The following TRABD2B variants were observed in gnomAD, a reference collection of about 807,000 sequenced individuals.
The protein encoded by TRABD2B is TraB domain containing 2B, also known as metalloprotease TIKI2.
Under a neutral mutation model 40.1 loss-of-function variants are expected in TRABD2B, and 14 were observed. The observed-to-expected ratio is 0.35, with a 90% CI of 0.23 to 0.55. The LOEUF (loss-of-function observed/expected upper bound fraction) is 0.55, where lower values mean the gene tolerates loss of function less well. Ranked by LOEUF, TRABD2B falls within the 20% of genes least tolerant of loss-of-function variation. The pLI, the probability that TRABD2B is intolerant of heterozygous loss-of-function variation, is 0.90. For missense variants in TRABD2B, 541 were observed against 648.6 expected (o/e 0.83, Z 1.80); for synonymous variants, 263 against 277.0 (o/e 0.95, Z 0.50).
intron 3 of TRABD2B, among the ~76,000 whole-genome samples, chr1:47,801,032 G>A (rs1037005473): frequency 2.0e-5 from 3 of 152,186 alleles, no homozygotes; most frequent in African/African-American, 4.8e-5. Context: ...TCAGCCCCTT[G>A]GGTTCTACTT....
chr1:47,982,071 G>T (rs1267245813), intron 2 of TRABD2B, among the ~76,000 whole-genome samples: 3 of 152,148 alleles, frequency 2.0e-5, no homozygotes, highest in Non-Finnish European at 4.4e-5. Flanking sequence ...AAGCCAGAAT[G>T]AATACAGTCA....
intron 2 of TRABD2B, among the ~76,000 whole-genome samples, chr1:47,878,337 T>C (rs1644253865): frequency 6.6e-6 from 1 of 152,074 alleles, no homozygotes; most frequent in South Asian, 2.1e-4. Flanking sequence ...AAAAAGAACA[T>C]GTTTGTAAAA....
rs934712173 is a variant in TRABD2B, at chr1:47,760,655, G to A, written c.*5247C>T. 2 of 152,200 alleles carry A rather than the reference G, an allele frequency of 1.3e-5. No homozygotes were observed. The highest frequency in any genetic ancestry group is 2.9e-5 in the Non-Finnish European group (2 of 68,042). The allele number at this position is 152,200 out of a possible 1,614,324, so 9.4% of individuals were successfully genotyped here. On this transcript the variant is annotated 3_prime_UTR_variant, in exon 7 of 7. Transcript: ENST00000606738. ...GGACTCTTCATGATAATTCACAGAG[G>A]TGAGGGGCAGAGGTGATAAGAGAAC...
At position 47,894,671 on chromosome 1, in the gene TRABD2B, A is replaced by C. The variant is rs1158930; in HGVS notation, c.667-93052T>G. ...CCACATGGGACCAAGTCATTGTGTCAATTAGCACCCCACCAGCAGTATGTG... is the reference window on the plus strand; with the variant it reads ...CCACATGGGACCAAGTCATTGTGTCCATTAGCACCCCACCAGCAGTATGTG... On this transcript the variant is annotated intron_variant, in intron 2 of 6. Transcript: ENST00000606738. Among the ~76,000 whole-genome samples the C allele has an allele frequency of 9.4e-3, 1,435 of 152,306 alleles. 21 individuals are homozygous for C. Among genetic ancestry groups the C allele is most frequent in the African/African-American group, 0.033 (1,386 of 41,564 alleles).
intron 2 of TRABD2B, among the ~76,000 whole-genome samples, chr1:47,922,722 C>T (rs906838022): frequency 6.6e-6 from 1 of 152,240 alleles, no homozygotes; most frequent in Admixed American, 6.5e-5. Flanking sequence ...GCACTCAAAT[C>T]TGTCCTCTTC....
chr1:47,869,050 C>T (rs920195796), intron 2 of TRABD2B, among the ~76,000 whole-genome samples: 3 of 152,074 alleles, frequency 2.0e-5, no homozygotes, highest in Non-Finnish European at 4.4e-5. Context: ...CTTCTTTCCT[C>T]CCTCCCTCCT....
rs187320390 is a variant in TRABD2B, at chr1:47,797,782, A to G, written c.814-3022T>C. The stretch of plus-strand genomic sequence containing the variant: ...TGTCATTAGACTTGTTGGGGGCCTT[A>G]AATCTTCTATGACAAGTTTAAGTGC... On this transcript the variant is annotated intron_variant, in intron 3 of 6. Coordinates refer to ENST00000606738, the MANE Select transcript of TRABD2B (RefSeq NM_001194986.2). Among the ~76,000 whole-genome samples the G allele has an allele frequency of 6.0e-4, 92 of 152,268 alleles. 1 individual carries two copies. Among genetic ancestry groups the G allele is most frequent in the Middle Eastern group, 3.4e-3 (1 of 294 alleles).
At chr1:47,858,712 T>C (rs1643924084) in intron 2 of TRABD2B, among the ~76,000 whole-genome samples, 1 of 152,204 alleles carries the variant, frequency 6.6e-6, no homozygotes, top group African/African-American at 2.4e-5. Context: ...CCCAAAGCCA[T>C]GTGCTTTAAC....
At chr1:47,947,117 GC>G (rs1433259796) in intron 2 of TRABD2B, among the ~76,000 whole-genome samples, 1 of 152,160 alleles carries the variant, frequency 6.6e-6, no homozygotes, top group East Asian at 1.9e-4. Flanking sequence ...GAGGGAAGTA[GC>G]CTGTCTAAAG....
chr1:47,964,478 A>C (rs998689243), intron 2 of TRABD2B, among the ~76,000 whole-genome samples: 53 of 152,174 alleles, frequency 3.5e-4, no homozygotes, highest in African/African-American at 1.2e-3. Context: ...TAGACTACTG[A>C]GTGTCATGTT....
chr1:47,891,861 A>G (rs1644450242), intron 2 of TRABD2B, among the ~76,000 whole-genome samples: 2 of 152,166 alleles, frequency 1.3e-5, no homozygotes, highest in Admixed American at 1.3e-4. Context: ...GAAAGAAAAA[A>G]AAAAGAAAGA....
intron 2 of TRABD2B, among the ~76,000 whole-genome samples, chr1:47,852,058 G>A (rs1327933447): frequency 6.6e-6 from 1 of 152,200 alleles, no homozygotes; most frequent in Non-Finnish European, 1.5e-5. Context: ...AGTCATTCTA[G>A]AGCTCTGTGC....
In TRABD2B at chr1:47,964,357, A is replaced by C. The variant is rs907833405; in HGVS notation, c.666+29677T>G. On this transcript the variant is annotated intron_variant, in intron 2 of 6. Transcript: ENST00000606738. The stretch of plus-strand genomic sequence containing the variant: ...CCGCAGTTTTAGGGGAGAGTCCACA[A>C]AGATCACCAATAGACTTGCTGAGGA... 2.6e-5 allele frequency among the ~76,000 whole-genome samples: 4 copies of C among 152,218 alleles called. No individual in the cohort carries two copies. In the South Asian group the frequency reaches 6.2e-4, roughly 24 times the overall value.
intron 4 of TRABD2B, among the ~76,000 whole-genome samples, chr1:47,790,348 C>A (rs1644654322): frequency 6.6e-6 from 1 of 152,106 alleles, no homozygotes; most frequent in Non-Finnish European, 1.5e-5. Context: ...TGGCTACTTC[C>A]AGAACATCTG....
Position 47,992,357 on chromosome 1 carries a change from G to C in TRABD2B, c.666+1677C>G, listed in dbSNP as rs748990641. Among the ~76,000 whole-genome samples, 42 of 152,158 alleles carry C rather than the reference G, an allele frequency of 2.8e-4. 1 individual carries two copies. Among genetic ancestry groups the C allele is most frequent in the African/African-American group, 9.9e-4 (41 of 41,432 alleles). ...TTTCACCCTACCAAAGCCATCATTT[G>C]GTTGAACAGGAGTGTCTCCCGACCC... On this transcript the variant is annotated intron_variant, in intron 2 of 6. Coordinates refer to ENST00000606738, the MANE Select transcript of TRABD2B (RefSeq NM_001194986.2).
chr1:47,990,771 TTATATATATATATATATATATA>T (rs55649435), intron 2 of TRABD2B, among the ~76,000 whole-genome samples: 531 of 36,556 alleles, frequency 0.015, 19 homozygotes, highest in Admixed American at 0.018. Flanking sequence ...AACGTTGGTT[TTATATATATATATATATATATA>T]TATATATATA....
At chr1:47,886,139 C>T (rs1644367623) in intron 2 of TRABD2B, among the ~76,000 whole-genome samples, 1 of 152,182 alleles carries the variant, frequency 6.6e-6, no homozygotes, top group African/African-American at 2.4e-5. Context: ...TAAGATCCTT[C>T]CATCCTCACC....
At chr1:47,839,059 C>A (rs1233396830) in intron 2 of TRABD2B, among the ~76,000 whole-genome samples, 1 of 152,184 alleles carries the variant, frequency 6.6e-6, no homozygotes, top group Admixed American at 6.5e-5. Flanking sequence ...ATAAGCCACA[C>A]CCTTGGCGTC....
chr1:47,793,095 A>G (rs1644698183), intron 4 of TRABD2B, among the ~76,000 whole-genome samples: 1 of 151,926 alleles, frequency 6.6e-6, no homozygotes, highest in Non-Finnish European at 1.5e-5. Context: ...GCTGCCAGTC[A>G]ATGTCCTGCT....
Sources: allele counts gnomAD v4.1 joint callset (sites outside exome capture counted in the v4.1 genomes callset), GRCh38; gene constraint gnomAD v4.1.1; transcripts MANE v1.5; gene names NCBI Gene and HGNC (gene_info 2026-07-23, HGNC 2026-07-21).